LEKR1: variants seen among roughly 807,000 people sequenced by gnomAD.
LEKR1 encodes protein LEKR1.
LEKR1 carries 59 observed loss-of-function variants against 72.4 expected under a neutral mutation model. That is an observed-to-expected ratio of 0.82 (90% CI 0.66 to 1.01). LEKR1 has a LOEUF of 1.01. Ranked by LOEUF, LEKR1 falls within the 50% of genes least tolerant of loss-of-function variation. The pLI, the probability that LEKR1 is intolerant of heterozygous loss-of-function variation, is 0.00. For synonymous variants in LEKR1, 257 were observed against 263.2 expected, an observed-to-expected ratio of 0.98 and a Z score of 0.23; for missense variants, 728 against 759.2, an observed-to-expected ratio of 0.96 and a Z score of 0.48.
chr3:157,021,950 G>A (rs1284132765), intron 10 of LEKR1, among the ~76,000 whole-genome samples: 1 of 151,964 alleles, frequency 6.6e-6, no homozygotes, highest in Non-Finnish European at 1.5e-5. Context: ...TTTTCCAAAT[G>A]TATTACATTT....
chr3:157,016,686 G>T (rs1733369751), intron 10 of LEKR1, among the ~76,000 whole-genome samples: 2 of 152,076 alleles, frequency 1.3e-5, no homozygotes, highest in South Asian at 4.1e-4. Context: ...AAGATATGGG[G>T]TGTTTTTTCA....
intron 4 of LEKR1, among the ~76,000 whole-genome samples, chr3:156,921,628 A>G (rs1212916336): frequency 6.6e-6 from 1 of 152,154 alleles, no homozygotes; most frequent in Non-Finnish European, 1.5e-5. Context: ...CCAAAAGGAT[A>G]ATGCCATCCA....
At chr3:156,899,271 C>T (rs552214901) in intron 3 of LEKR1, among the ~76,000 whole-genome samples, 1 of 144,000 alleles carries the variant, frequency 6.9e-6, no homozygotes, top group Admixed American at 7.1e-5. Flanking sequence ...TATATACACA[C>T]ATGTATATAT....
intron 12 of LEKR1, among the ~76,000 whole-genome samples, chr3:157,041,141 C>T (rs1209649034): frequency 6.6e-6 from 1 of 152,124 alleles, no homozygotes; most frequent in East Asian, 1.9e-4. Flanking sequence ...TAAGCCCATT[C>T]AAGGTGGGCT....
At position 156,992,678 on chromosome 3, in the gene LEKR1, T is replaced by G; in HGVS notation, c.853T>G (p.Cys285Gly). The G allele has an allele frequency of 1.0e-6, 1 of 996,988 alleles. No individual in the cohort carries two copies. Among genetic ancestry groups the G allele is most frequent in the Non-Finnish European group, 1.3e-6 (1 of 786,216 alleles). 61.8% of individuals were successfully genotyped at this position (996,988 alleles called of 1,614,324 possible). ...LMNKSNEADD[C>G]QRELKKLKFE... The stretch of plus-strand genomic sequence containing the variant: ...GAATAAATCTAATGAAGCTGATGAC[T>G]GTCAAAGAGAACTTAAAAAACTGAA... Residue 285 changes from cysteine (C) to glycine (G), a missense_variant, in exon 8 of 13, where the codon TGT becomes GGT. By Grantham distance (159) the Cys-to-Gly change is radical (BLOSUM62 -3). Coordinates refer to ENST00000356539, the MANE Select transcript of LEKR1 (RefSeq NM_001004316.3).
chr3:156,874,384 T>C (rs1427693997), intron 3 of LEKR1, among the ~76,000 whole-genome samples: 1 of 152,136 alleles, frequency 6.6e-6, no homozygotes, highest in African/African-American at 2.4e-5. Flanking sequence ...TTATCAGTCA[T>C]TTGCAGTTTG....
At chr3:156,986,227 A>G (rs1290905809) in intron 7 of LEKR1, among the ~76,000 whole-genome samples, 1 of 152,218 alleles carries the variant, frequency 6.6e-6, no homozygotes, top group African/African-American at 2.4e-5. Context: ...AATTAAATTG[A>G]CCAGTGTTTC....
intron 3 of LEKR1, among the ~76,000 whole-genome samples, chr3:156,889,568 T>G (rs773157388): frequency 1.3e-5 from 2 of 152,202 alleles, no homozygotes; most frequent in Non-Finnish European, 2.9e-5. Flanking sequence ...AACAAATGTT[T>G]GTAAGAATTA....
intron 2 of LEKR1, among the ~76,000 whole-genome samples, chr3:156,849,302 G>T (rs1258657634): frequency 6.6e-6 from 1 of 152,180 alleles, no homozygotes; most frequent in Non-Finnish European, 1.5e-5. Context: ...TGGGTAGGAA[G>T]AATCAATATC....
intron 5 of LEKR1, among the ~76,000 whole-genome samples, chr3:156,935,059 C>G (rs917341391): frequency 2.0e-5 from 3 of 152,086 alleles, no homozygotes; most frequent in Non-Finnish European, 4.4e-5. Context: ...ATTGCAGAAT[C>G]AAAGTATATG....
At chr3:156,975,478 G>A (rs1458578256) in intron 6 of LEKR1, among the ~76,000 whole-genome samples, 1 of 151,964 alleles carries the variant, frequency 6.6e-6, no homozygotes, top group Non-Finnish European at 1.5e-5. Context: ...CACTATATAG[G>A]TTTTAGTTAC....
intron 7 of LEKR1, among the ~76,000 whole-genome samples, chr3:156,981,290 G>A (rs761116414): frequency 1.6e-4 from 25 of 152,148 alleles, no homozygotes; most frequent in Non-Finnish European, 2.6e-4. Context: ...ATTAACACAT[G>A]CTTTGTGGTA....
At chr3:156,944,883 G>A (rs1046285371) in intron 6 of LEKR1, among the ~76,000 whole-genome samples, 9 of 151,704 alleles carry the variant, frequency 5.9e-5, no homozygotes, top group Non-Finnish European at 1.3e-4. Flanking sequence ...AAACATGGGA[G>A]TGTAGATATC....
At chr3:156,829,507 A>G in intron 2 of LEKR1, 130 bp downstream of exon 2, 1 of 560,886 alleles carries the variant, frequency 1.8e-6, no homozygotes, top group Non-Finnish European at 3.1e-6. Context: ...TGGGAGAGGG[A>G]ATAATTATTA....
chr3:156,861,764 C>T (rs1324396751), intron 3 of LEKR1, among the ~76,000 whole-genome samples: 1 of 151,940 alleles, frequency 6.6e-6, no homozygotes, highest in East Asian at 1.9e-4. Flanking sequence ...GAATTTATTA[C>T]ATTGATGTTT....
intron 12 of LEKR1, among the ~76,000 whole-genome samples, chr3:157,038,557 C>T (rs1276416362): frequency 6.6e-6 from 1 of 152,072 alleles, no homozygotes; most frequent in Admixed American, 6.6e-5. Flanking sequence ...AGAACAGGCA[C>T]TCTTAACTTT....
At chr3:156,931,932 A>G (rs1007655089) in intron 5 of LEKR1, among the ~76,000 whole-genome samples, 7 of 152,016 alleles carry the variant, frequency 4.6e-5, no homozygotes, top group African/African-American at 1.4e-4. Flanking sequence ...ATTTGCCAAC[A>G]CTCATCTATT....
chr3:156,831,337 T>C (rs1436023230), intron 2 of LEKR1, among the ~76,000 whole-genome samples: 2 of 152,320 alleles, frequency 1.3e-5, no homozygotes, highest in Admixed American at 6.5e-5. Context: ...CTCCTAGTCA[T>C]TTACACCTAC....
intron 3 of LEKR1, among the ~76,000 whole-genome samples, chr3:156,864,931 T>C (rs747591510): frequency 2.0e-5 from 3 of 152,048 alleles, no homozygotes; most frequent in Non-Finnish European, 2.9e-5. Flanking sequence ...CTACATTCTC[T>C]CTTCAGTTTC....
Sources: allele counts gnomAD v4.1 joint callset (sites outside exome capture counted in the v4.1 genomes callset), GRCh38; gene constraint gnomAD v4.1.1; transcripts MANE v1.5; gene names NCBI Gene and HGNC (gene_info 2026-07-23, HGNC 2026-07-21).